The following ASAP1 variants were observed in gnomAD, a reference collection of about 807,000 sequenced individuals.
ASAP1 encodes the protein ArfGAP with SH3 domain, ankyrin repeat and PH domain 1.
In ASAP1, 43 loss-of-function variants were observed where a neutral mutation model predicts 145.2. The ratio of observed to expected loss-of-function variants is 0.30; its 90% CI spans 0.23 to 0.38. The LOEUF is 0.38. ASAP1 is among the 10% of genes least tolerant of loss of function. The pLI is 1.00. For synonymous variants in ASAP1, 546 were observed against 515.5 expected, an observed-to-expected ratio of 1.06 and a Z score of -0.80; for missense variants, 1,018 against 1,355.3, an observed-to-expected ratio of 0.75 and a Z score of 3.91.
chr8:130,261,290 T>C (rs1053397671), intron 3 of ASAP1, among the ~76,000 whole-genome samples: 8 of 152,196 alleles, frequency 5.3e-5, no homozygotes, highest in African/African-American at 1.7e-4. Flanking sequence ...AATGAATAAA[T>C]AATGTTCTGA....
intron 15 of ASAP1, among the ~76,000 whole-genome samples, chr8:130,132,822 C>G (rs1171331692): frequency 6.7e-6 from 1 of 149,708 alleles, no homozygotes; most frequent in African/African-American, 2.4e-5. Flanking sequence ...TACCTTCTCT[C>G]TCAGTTTTCT....
At chr8:130,069,039 G>A (rs1019346776) in intron 27 of ASAP1, among the ~76,000 whole-genome samples, 4 of 152,130 alleles carry the variant, frequency 2.6e-5, no homozygotes, top group Admixed American at 2.6e-4. Flanking sequence ...AGGCAAAAGT[G>A]AGAGCCAAAG....
intron 5 of ASAP1, among the ~76,000 whole-genome samples, chr8:130,211,139 T>C (rs1586601339): frequency 6.6e-6 from 1 of 152,332 alleles, no homozygotes; most frequent in Middle Eastern, 3.4e-3. Context: ...AATCCTATGT[T>C]ACAAGGTAGA....
intron 3 of ASAP1, among the ~76,000 whole-genome samples, chr8:130,248,185 A>G (rs1818967965): frequency 6.6e-6 from 1 of 152,098 alleles, no homozygotes; most frequent in Non-Finnish European, 1.5e-5. Context: ...GAGGTCACTC[A>G]AGCATTCAGT....
intron 3 of ASAP1, among the ~76,000 whole-genome samples, chr8:130,304,397 C>G (rs956780416): frequency 6.6e-6 from 1 of 152,234 alleles, no homozygotes; most frequent in South Asian, 2.1e-4. Flanking sequence ...TCATTTCCCC[C>G]CTCAATTGTT....
chr8:130,193,761 T>C (rs1815298207), intron 5 of ASAP1, among the ~76,000 whole-genome samples: 1 of 152,224 alleles, frequency 6.6e-6, no homozygotes, highest in East Asian at 1.9e-4. Context: ...TAAAGAATTA[T>C]GAAACTCTGT....
chr8:130,101,918 A>C (rs989520661), intron 24 of ASAP1, among the ~76,000 whole-genome samples: 1 of 151,902 alleles, frequency 6.6e-6, no homozygotes, highest in Non-Finnish European at 1.5e-5. Context: ...GTATAGAAAC[A>C]CTACTGATTT....
chr8:130,212,712 G>A (rs1816661629), intron 5 of ASAP1, among the ~76,000 whole-genome samples: 1 of 152,196 alleles, frequency 6.6e-6, no homozygotes. Flanking sequence ...GGTTTTGTAT[G>A]GAGACAAACA....
chr8:130,402,610 C>T (rs1020341062), intron 1 of ASAP1, among the ~76,000 whole-genome samples: 21 of 152,156 alleles, frequency 1.4e-4, no homozygotes, highest in African/African-American at 3.6e-4. Context: ...AGCCAAGGGA[C>T]CTCCTTGGCT....
intron 25 of ASAP1, 118 bp downstream of exon 25, chr8:130,091,855 C>T (rs1389681322): frequency 8.8e-7 from 1 of 1,130,622 alleles, no homozygotes; most frequent in Middle Eastern, 3.1e-4. Flanking sequence ...CGAGTCAGCA[C>T]CCAGCATGTG....
At chr8:130,139,320 CAGA>C (rs1342318265) in intron 13 of ASAP1, among the ~76,000 whole-genome samples, 1 of 152,180 alleles carries the variant, frequency 6.6e-6, no homozygotes, top group Non-Finnish European at 1.5e-5. Flanking sequence ...ACTCCAATTG[CAGA>C]AGATTTGGGC....
chr8:130,287,803 G>A (rs564692380), intron 3 of ASAP1, among the ~76,000 whole-genome samples: 4 of 152,314 alleles, frequency 2.6e-5, no homozygotes, highest in Admixed American at 2.6e-4. Context: ...TCAGAGGGCT[G>A]TGTTTGGGTT....
At chr8:130,134,584 T>A in intron 14 of ASAP1, among the ~76,000 whole-genome samples, 1 of 152,196 alleles carries the variant, frequency 6.6e-6, no homozygotes, top group East Asian at 1.9e-4. Flanking sequence ...TTCAGTGACT[T>A]ACACAAGGTC....
At chr8:130,342,963 G>A (rs1295797085) in intron 3 of ASAP1, among the ~76,000 whole-genome samples, 1 of 152,174 alleles carries the variant, frequency 6.6e-6, no homozygotes, top group Admixed American at 6.5e-5. Flanking sequence ...GAACGAAGGG[G>A]CAGTACAGGT....
At chr8:130,382,093 T>C (rs1004824804) in intron 2 of ASAP1, among the ~76,000 whole-genome samples, 12 of 152,028 alleles carry the variant, frequency 7.9e-5, no homozygotes, top group Non-Finnish European at 1.2e-4. Context: ...AAGACCATCC[T>C]GGCTAACACG....
At chr8:130,440,889 G>A (rs1333434396) in intron 1 of ASAP1, among the ~76,000 whole-genome samples, 1 of 152,110 alleles carries the variant, frequency 6.6e-6, no homozygotes, top group Non-Finnish European at 1.5e-5. Context: ...TTGGTCCCAG[G>A]TTTGTTTCCT....
intron 12 of ASAP1, among the ~76,000 whole-genome samples, chr8:130,153,522 A>C (rs957743943): frequency 2.6e-5 from 4 of 151,042 alleles, no homozygotes; most frequent in Non-Finnish European, 5.9e-5. Context: ...GGCACACCCC[A>C]CCATGCCTGG....
chr8:130,226,554 G>T (rs1274777960), intron 4 of ASAP1, among the ~76,000 whole-genome samples: 8 of 152,170 alleles, frequency 5.3e-5, no homozygotes, highest in Non-Finnish European at 2.9e-5. Flanking sequence ...ATTTCTCAAG[G>T]TCATTTTGAC....
intron 3 of ASAP1, among the ~76,000 whole-genome samples, chr8:130,356,317 T>C (rs1250742069): frequency 6.6e-6 from 1 of 152,182 alleles, no homozygotes; most frequent in Non-Finnish European, 1.5e-5. Flanking sequence ...TAGGAGGCAC[T>C]GAAAAACTTA....
Sources: allele counts gnomAD v4.1 joint callset (sites outside exome capture counted in the v4.1 genomes callset), GRCh38; gene constraint gnomAD v4.1.1; transcripts MANE v1.5; gene names NCBI Gene and HGNC (gene_info 2026-07-23, HGNC 2026-07-21).